ARHGEF7: variants seen among roughly 807,000 people sequenced by gnomAD.
The protein encoded by ARHGEF7 is PAK-interacting exchange factor beta.
A neutral mutation model predicts 109.8 loss-of-function variants in ARHGEF7; 33 were observed. The ratio of observed to expected loss-of-function variants is 0.30; its 90% confidence interval spans 0.23 to 0.40. The LOEUF is 0.40. Among genes scored for constraint, ARHGEF7 ranks in the 10% least tolerant of loss-of-function variants. The pLI is 1.00. For synonymous variants in ARHGEF7, 458 were observed against 424.6 expected (o/e 1.08, Z -0.97); for missense variants, 938 against 1,098.5 (o/e 0.85, Z 2.07).
At chr13:111,226,045 G>A (rs2085171205) in intron 5 of ARHGEF7, among the ~76,000 whole-genome samples, 1 of 152,162 alleles carries the variant, frequency 6.6e-6, no homozygotes, top group African/African-American at 2.4e-5. Context: ...GAAATTATAA[G>A]TGCTACTCCA....
intron 17 of ARHGEF7, among the ~76,000 whole-genome samples, chr13:111,287,906 A>G (rs114909091): frequency 0.021 from 3,267 of 152,354 alleles, 120 homozygotes; most frequent in African/African-American, 0.075. Context: ...CCACGTCGAC[A>G]CTGAGAGTTG....
chr13:111,198,160 A>G (rs2080777508), intron 2 of ARHGEF7, among the ~76,000 whole-genome samples: 2 of 152,060 alleles, frequency 1.3e-5, no homozygotes, highest in Non-Finnish European at 2.9e-5. Context: ...CTTTCCCAGA[A>G]AGCCTGACAC....
chr13:111,299,820 C>T (rs372217805), intron 19 of ARHGEF7, among the ~76,000 whole-genome samples: 6 of 152,146 alleles, frequency 3.9e-5, no homozygotes, highest in Admixed American at 6.5e-5. Context: ...CCATAGTTAG[C>T]GAGCGTGTCT....
intron 2 of ARHGEF7, among the ~76,000 whole-genome samples, chr13:111,174,565 C>T (rs1291318165): frequency 6.6e-6 from 1 of 152,172 alleles, no homozygotes; most frequent in African/African-American, 2.4e-5. Context: ...TGGGAAATGC[C>T]ATGCATTATC....
chr13:111,267,919 G>A (rs1490347596), intron 9 of ARHGEF7, among the ~76,000 whole-genome samples: 2 of 149,322 alleles, frequency 1.3e-5, no homozygotes, highest in Non-Finnish European at 3.0e-5. Context: ...ATAGGTTGAA[G>A]GGGTTAGTAA....
At chr13:111,274,674 CT>C in intron 10 of ARHGEF7, 56 bp from the exon 11 acceptor site, 1 of 1,129,394 alleles carries the variant, frequency 8.9e-7, no homozygotes, top group Non-Finnish European at 1.2e-6. Flanking sequence ...TAGAAAGTAC[CT>C]TTTTAAGAAA....
At chr13:111,288,581 G>A in intron 18 of ARHGEF7, 138 bp downstream of exon 18, 1 of 512,852 alleles carries the variant, frequency 1.9e-6, no homozygotes, top group Non-Finnish European at 3.3e-6. Flanking sequence ...GTTTCAGTCA[G>A]GGGTGGCAGG....
chr13:111,277,831 T>C (rs1300332822), intron 13 of ARHGEF7, among the ~76,000 whole-genome samples, 158 bp downstream of exon 13: 9 of 152,260 alleles, frequency 5.9e-5, no homozygotes, highest in South Asian at 2.1e-4. Context: ...TGTTTGTGTT[T>C]CGTTGTGACT....
intron 5 of ARHGEF7, among the ~76,000 whole-genome samples, chr13:111,222,467 T>G (rs1168167118): frequency 6.6e-6 from 1 of 152,220 alleles, no homozygotes; most frequent in Non-Finnish European, 1.5e-5. Context: ...AGATGGAGTT[T>G]CACTCTTGTT....
At chr13:111,199,653 C>T (rs1484211554) in intron 2 of ARHGEF7, among the ~76,000 whole-genome samples, 1 of 152,132 alleles carries the variant, frequency 6.6e-6, no homozygotes, top group East Asian at 1.9e-4. Flanking sequence ...TTTGGTGTAA[C>T]CATAAAATGA....
At chr13:111,301,977 G>A (rs898330276) in intron 21 of ARHGEF7, among the ~76,000 whole-genome samples, 5 of 152,202 alleles carry the variant, frequency 3.3e-5, no homozygotes, top group African/African-American at 1.2e-4. Flanking sequence ...AAAATAATTG[G>A]TTGTCTCTAA....
intron 19 of ARHGEF7, among the ~76,000 whole-genome samples, chr13:111,299,425 C>A (rs919230774): frequency 6.8e-6 from 1 of 146,878 alleles, no homozygotes; most frequent in Non-Finnish European, 1.5e-5. Flanking sequence ...TCACTGCAAG[C>A]TCCACCACCA....
intron 1 of ARHGEF7, among the ~76,000 whole-genome samples, chr13:111,116,904 C>A (rs2066828581): frequency 1.3e-5 from 2 of 152,126 alleles, no homozygotes; most frequent in South Asian, 4.1e-4. Flanking sequence ...ACAGAATCTG[C>A]ATATTAGAGT....
chr13:111,219,606 G>T (rs1008511148), intron 5 of ARHGEF7, among the ~76,000 whole-genome samples: 1 of 151,932 alleles, frequency 6.6e-6, no homozygotes, highest in Non-Finnish European at 1.5e-5. Flanking sequence ...CCCACAAGCA[G>T]TGCACAGGGT....
At chr13:111,178,592 C>G (rs2078400533) in intron 2 of ARHGEF7, among the ~76,000 whole-genome samples, 1 of 152,230 alleles carries the variant, frequency 6.6e-6, no homozygotes, top group Non-Finnish European at 1.5e-5. Context: ...CAGCATCTCT[C>G]TGGAGAGTTT....
intron 2 of ARHGEF7, among the ~76,000 whole-genome samples, chr13:111,184,297 C>T (rs2079043586): frequency 6.6e-6 from 1 of 152,150 alleles, no homozygotes; most frequent in Non-Finnish European, 1.5e-5. Context: ...ATAAATTACC[C>T]AGCCTTGGGT....
intron 4 of ARHGEF7, among the ~76,000 whole-genome samples, chr13:111,216,783 G>A (rs1042780408): frequency 3.3e-5 from 5 of 152,210 alleles, no homozygotes; most frequent in African/African-American, 7.2e-5. Context: ...GTGCCGGCAC[G>A]AGCAGGCTTC....
chr13:111,217,608 G>A (rs1018636994), intron 4 of ARHGEF7, 71 bp from the exon 5 acceptor site: 89 of 1,393,586 alleles, frequency 6.4e-5, no homozygotes, highest in Non-Finnish European at 8.6e-5. Context: ...TACTAGTAAA[G>A]TATAATCCAT....
chr13:111,140,675 A>C (rs2075303895), intron 1 of ARHGEF7, among the ~76,000 whole-genome samples: 1 of 152,028 alleles, frequency 6.6e-6, no homozygotes, highest in South Asian at 2.1e-4. Context: ...TTTTATTATT[A>C]ACCTTTTTTT....
Sources: allele counts gnomAD v4.1 joint callset (sites outside exome capture counted in the v4.1 genomes callset), GRCh38; gene constraint gnomAD v4.1.1; transcripts MANE v1.5; gene names NCBI Gene and HGNC (gene_info 2026-07-23, HGNC 2026-07-21).